Variants in CACNA2D3 observed in about 807,000 individuals in gnomAD.
CACNA2D3 encodes the protein calcium voltage-gated channel auxiliary subunit alpha2delta 3, also known as voltage-dependent calcium channel subunit alpha-2/delta-3.
CACNA2D3 carries 60 observed loss-of-function variants against 160.6 expected under a neutral mutation model. The ratio of observed to expected loss-of-function variants is 0.37; its 90% CI spans 0.30 to 0.46. The LOEUF is 0.46. Among genes scored for constraint, CACNA2D3 ranks in the 20% least tolerant of loss-of-function variants. The probability of loss-of-function intolerance (pLI) is 1.00; values close to 1 mark genes in which losing one functional copy is unlikely to be tolerated. For synonymous variants in CACNA2D3, 558 were observed against 492.9 expected (o/e 1.13, Z -1.75); for missense variants, 1,205 against 1,365.0 (o/e 0.88, Z 1.85).
In CACNA2D3 at chr3:54,627,827, T is replaced by C. The variant is rs751636960; in HGVS notation, c.1004T>C (p.Ile335Thr). 1.2e-6 allele frequency: 2 copies of C among 1,610,680 alleles called. No homozygotes were observed. Among genetic ancestry groups the C allele is most frequent in the Non-Finnish European group, 1.7e-6 (2 of 1,178,478 alleles). ...CTGGACAAACTTTTCGCCAAAGGAATTGGAATGTTGGATATAGCTCTGAAT... is the reference window on the plus strand; with the variant it reads ...CTGGACAAACTTTTCGCCAAAGGAACTGGAATGTTGGATATAGCTCTGAAT... ...EHLDKLFAKG[I>T]GMLDIALNEA... is the part of the protein sequence containing the mutation. The change falls in exon 10 of 38, where the codon ATT becomes ACT. Residue 335 changes from isoleucine to threonine, a missense_variant. Physicochemically the swap from Ile to Thr is moderately conservative, Grantham distance 89. Coordinates refer to ENST00000474759, the MANE Select transcript of CACNA2D3 (RefSeq NM_018398.3).
At chr3:54,517,992 C>T (rs576556348) in intron 5 of CACNA2D3, among the ~76,000 whole-genome samples, 5 of 152,284 alleles carry the variant, frequency 3.3e-5, no homozygotes, top group East Asian at 3.9e-4. Flanking sequence ...TTGGGGAAGT[C>T]GTTCTGGGGC....
In CACNA2D3 at chr3:54,481,504, T is replaced by A. The variant is rs1700931874; in HGVS notation, c.382-21988T>A. 2.6e-5 allele frequency among the ~76,000 whole-genome samples: 4 copies of A among 152,210 alleles called. No homozygotes were observed. The South Asian group carries it at 8.3e-4, about 32-fold the overall frequency. On this transcript the variant is annotated intron_variant, in intron 4 of 37. Coordinates refer to ENST00000474759, the MANE Select transcript of CACNA2D3 (RefSeq NM_018398.3). ...GCTTCTCTGGCAAAGATCAAAGACTTCAAAACAGTTGGAGCGTGTGAAATG... is the reference window on the plus strand; with the variant it reads ...GCTTCTCTGGCAAAGATCAAAGACTACAAAACAGTTGGAGCGTGTGAAATG...
chr3:54,662,848 G>A (rs1489878341), intron 11 of CACNA2D3, among the ~76,000 whole-genome samples: 3 of 152,224 alleles, frequency 2.0e-5, no homozygotes, highest in Non-Finnish European at 2.9e-5. Flanking sequence ...TACATTTGAA[G>A]GTCAGAGAAG....
At chr3:54,748,543 C>G (rs999040331) in intron 11 of CACNA2D3, among the ~76,000 whole-genome samples, 6 of 151,194 alleles carry the variant, frequency 4.0e-5, no homozygotes, top group Non-Finnish European at 8.8e-5. Flanking sequence ...AGTGGGAGAT[C>G]AAAATGAGCG....
At chr3:54,539,907 T>C (rs1008601108) in intron 5 of CACNA2D3, among the ~76,000 whole-genome samples, 1 of 152,136 alleles carries the variant, frequency 6.6e-6, no homozygotes, top group Non-Finnish European at 1.5e-5. Context: ...CAGGCCCTGC[T>C]TCTGGGTTGG....
chr3:54,933,630 C>A (rs1701260559), intron 27 of CACNA2D3, among the ~76,000 whole-genome samples: 1 of 152,170 alleles, frequency 6.6e-6, no homozygotes, highest in Non-Finnish European at 1.5e-5. Flanking sequence ...ATTGCATTAT[C>A]TCACTTTAAA....
In CACNA2D3 at chr3:54,987,689, G is replaced by T; in HGVS notation, c.2626G>T (p.Asp876Tyr). 6.2e-7 allele frequency: 1 copy of T among 1,605,332 alleles called. No individual in the cohort carries two copies. Among genetic ancestry groups the T allele is most frequent in the South Asian group, 1.1e-5 (1 of 89,432 alleles). Residue 876 changes from aspartate (D) to tyrosine (Y), a missense_variant, in exon 31 of 38, where the codon GAC (aspartate) becomes TAC (tyrosine). Asp to Tyr is a radical substitution (Grantham distance 160). Coordinates refer to ENST00000474759, the MANE Select transcript of CACNA2D3 (RefSeq NM_018398.3). The stretch of plus-strand genomic sequence containing the variant: ...TATGTCTTCTTCCCCATAGACTGGA[G>T]ACTTTTTTGGTGAGATCGAGGGAGC... ...LVSEDYTQTG[D>Y]FFGEIEGAVM...
intron 31 of CACNA2D3, among the ~76,000 whole-genome samples, 160 bp downstream of exon 31, chr3:54,987,913 C>G (rs542889675): frequency 6.6e-6 from 1 of 152,138 alleles, no homozygotes; most frequent in Non-Finnish European, 1.5e-5. Context: ...GCCTCTTGCA[C>G]GAGTGTTAGA....
At chr3:54,735,434 C>T (rs1164215348) in intron 11 of CACNA2D3, among the ~76,000 whole-genome samples, 1 of 152,164 alleles carries the variant, frequency 6.6e-6, no homozygotes, top group Non-Finnish European at 1.5e-5. Context: ...GTTGAAGTCC[C>T]TTGGAAATAA....
chr3:54,297,699 C>G (rs972863145), intron 2 of CACNA2D3, among the ~76,000 whole-genome samples: 11 of 144,830 alleles, frequency 7.6e-5, no homozygotes, highest in South Asian at 2.4e-4. Context: ...GTTGGTTCCC[C>G]TCTCCCCGCC....
chr3:54,268,958 G>C (rs918294045), intron 2 of CACNA2D3, among the ~76,000 whole-genome samples: 1 of 152,212 alleles, frequency 6.6e-6, no homozygotes, highest in Non-Finnish European at 1.5e-5. Flanking sequence ...GGAAAGCAGT[G>C]GATGGAGAAG....
intron 3 of CACNA2D3, among the ~76,000 whole-genome samples, chr3:54,382,205 AG>A (rs1397289426): frequency 1.3e-5 from 2 of 152,234 alleles, no homozygotes; most frequent in Non-Finnish European, 2.9e-5. Flanking sequence ...TATTATTAAA[AG>A]TACACTGCCT....
chr3:54,917,256 A>G (rs2106919243), intron 27 of CACNA2D3, among the ~76,000 whole-genome samples: 2 of 152,342 alleles, frequency 1.3e-5, no homozygotes, highest in South Asian at 4.1e-4. Context: ...TAAAATGATG[A>G]TTCAATTTAC....
intron 2 of CACNA2D3, among the ~76,000 whole-genome samples, chr3:54,274,505 G>T (rs1444594432): frequency 6.6e-6 from 1 of 152,074 alleles, no homozygotes; most frequent in Non-Finnish European, 1.5e-5. Flanking sequence ...TGTGTGTTCG[G>T]GGTCATTGTA....
chr3:54,465,204 A>C (rs1167373667), intron 4 of CACNA2D3, among the ~76,000 whole-genome samples: 3 of 151,656 alleles, frequency 2.0e-5, no homozygotes, highest in Non-Finnish European at 4.4e-5. Context: ...TTTTTAATGA[A>C]ATCTAAATCA....
chr3:54,351,804 G>T (rs184550945), intron 3 of CACNA2D3, among the ~76,000 whole-genome samples: 1 of 152,130 alleles, frequency 6.6e-6, no homozygotes, highest in African/African-American at 2.4e-5. Flanking sequence ...TTCCTTGCTC[G>T]GCTCTCTTTC....
chr3:54,868,978 AT>A (rs1052140159), intron 17 of CACNA2D3, among the ~76,000 whole-genome samples: 1 of 152,124 alleles, frequency 6.6e-6, no homozygotes, highest in Non-Finnish European at 1.5e-5. Context: ...TGGAGGTGCT[AT>A]TGTTTTTACC....
intron 35 of CACNA2D3, among the ~76,000 whole-genome samples, chr3:55,069,216 A>G (rs1181590712): frequency 2.0e-5 from 3 of 152,130 alleles, no homozygotes; most frequent in Non-Finnish European, 4.4e-5. Flanking sequence ...ATCTTTTATG[A>G]TTGTCCAGAC....
intron 12 of CACNA2D3, among the ~76,000 whole-genome samples, chr3:54,758,610 G>C (rs1025679470): frequency 5.9e-5 from 9 of 152,092 alleles, no homozygotes; most frequent in Non-Finnish European, 1.2e-4. Context: ...GGGAGGAGGA[G>C]GAAGATGACA....
Sources: gnomAD v4.1 joint callset for allele counts (sites outside exome capture counted in the v4.1 genomes callset) on GRCh38, gnomAD v4.1.1 for gene constraint, MANE v1.5 for transcripts, NCBI Gene and HGNC (gene_info 2026-07-23, HGNC 2026-07-21) for gene names.